HYAL1: variants seen among roughly 807,000 people sequenced by gnomAD.
HYAL1 encodes hyaluronidase 1.
Under a neutral mutation model 28.8 loss-of-function variants are expected in HYAL1, and 21 were observed. That is an observed-to-expected ratio of 0.73 (90% CI 0.52 to 1.05). HYAL1 has a LOEUF of 1.05. Ranked by LOEUF, HYAL1 falls within the 50% of genes least tolerant of loss-of-function variation. The probability of loss-of-function intolerance (pLI) is 0.00; values close to 1 mark genes in which losing one functional copy is unlikely to be tolerated. For missense variants in HYAL1, 491 were observed against 579.2 expected, an observed-to-expected ratio of 0.85 and a Z score of 1.56; for synonymous variants, 200 against 230.1, an observed-to-expected ratio of 0.87 and a Z score of 1.18.
rs1485871957 is a variant in HYAL1 at position 50,311,531 on chromosome 3, G to A, written c.-310+733C>T. Among the ~76,000 whole-genome samples, 892 of 131,958 alleles carry A rather than the reference G, an allele frequency of 6.8e-3. 10 individuals are homozygous for A. Among genetic ancestry groups the A allele is most frequent in the Non-Finnish European group, 0.012 (717 of 61,046 alleles). The allele number at this position is 131,958 out of a possible 152,430, so 86.6% of individuals were successfully genotyped here. A position where few individuals can be genotyped will look rare whatever the true frequency, so the allele number is the denominator to read the frequency against. On this transcript the variant is annotated intron_variant, in intron 1 of 5. Coordinates refer to the HYAL1 transcript ENST00000320295. ...CCAGTAGGGGCGGCCGGGCAGAGGCGCCCCTCACCTCCGGGATGGGGCGGC... is the reference window on the plus strand; with the variant it reads ...CCAGTAGGGGCGGCCGGGCAGAGGCACCCCTCACCTCCGGGATGGGGCGGC...
At chr3:50,301,998 GC>G in intron 2 of HYAL1, 58 bp downstream of exon 2, 1 of 1,550,022 alleles carries the variant, frequency 6.5e-7, no homozygotes, top group African/African-American at 1.4e-5. Flanking sequence ...GTACCCCAAG[GC>G]TGGACCTAAT....
chr3:50,304,523 CCCAGGAGGTCATGTCTGGGTTACACTA>C (rs1299197171), upstream of HYAL1, among the ~76,000 whole-genome samples: 1 of 149,662 alleles, frequency 6.7e-6, no homozygotes, highest in Non-Finnish European at 1.5e-5. Context: ...AGTGCTTGAG[CCCAGGAGGTCATGTCTGGGTTACACTA>C]TTATATATTA....
At chr3:50,305,282 C>T (rs1419047984), upstream of HYAL1, among the ~76,000 whole-genome samples, 5 of 152,128 alleles carry the variant, frequency 3.3e-5, no homozygotes, top group African/African-American at 7.2e-5. Context: ...CTCGCTCTGT[C>T]GCCCAGGCTG....
intron 1 of HYAL1, 22 bp downstream of exon 1, chr3:50,303,444 C>G (rs1186146913): frequency 6.5e-6 from 1 of 154,722 alleles, no homozygotes; most frequent in Admixed American, 6.4e-5. Flanking sequence ...ACCCGCCAGT[C>G]TGCCCGCTCG....
upstream of HYAL1, among the ~76,000 whole-genome samples, chr3:50,305,388 C>T (rs781909692): frequency 5.5e-4 from 84 of 151,706 alleles, no homozygotes; most frequent in Non-Finnish European, 1.0e-3. Context: ...GGACTACAGG[C>T]GCCCGCCACC....
At chr3:50,310,949 G>A (rs1442022753) in intron 1 of HYAL1, among the ~76,000 whole-genome samples, 1 of 152,014 alleles carries the variant, frequency 6.6e-6, no homozygotes, top group Non-Finnish European at 1.5e-5. Context: ...TCCCAAGGCA[G>A]AAGAATTTTT....
upstream of HYAL1, among the ~76,000 whole-genome samples, chr3:50,305,331 C>A (rs1294021022): frequency 1.3e-5 from 2 of 150,910 alleles, no homozygotes; most frequent in African/African-American, 2.4e-5. Context: ...GCAAGCTCTG[C>A]CCCCCGGGTT....
upstream of HYAL1, among the ~76,000 whole-genome samples, chr3:50,304,292 AAAAAATATATATATATATATATATAT>A (rs1228721257): frequency 9.3e-4 from 48 of 51,634 alleles, 1 homozygote; most frequent in African/African-American, 3.3e-3. Flanking sequence ...AAAAAAAAAA[AAAAAATATATATATATATATATATAT>A]ATATATATAT....
At chr3:50,305,857 G>A (rs1553713949), upstream of HYAL1, among the ~76,000 whole-genome samples, 1 of 151,382 alleles carries the variant, frequency 6.6e-6, no homozygotes, top group African/African-American at 2.5e-5. Flanking sequence ...CGTATTGATA[G>A]ATGTCTCATA....
At position 50,302,567 on chromosome 3, in the gene HYAL1, C is replaced by T. The variant is rs1386542234; in HGVS notation, c.390G>A (p.Trp130Ter). The T allele has an allele frequency of 1.2e-6, 2 of 1,614,054 alleles. No individual in the cohort carries two copies. Among genetic ancestry groups the T allele is most frequent in the Non-Finnish European group, 1.7e-6 (2 of 1,180,042 alleles). ...PDFSGLAVID[W>*]EAWRPRWAFN... ...AGGCCCAGCGTGGGCGCCATGCCTC[C>T]CAGTCGATGACTGCCAGCCCTGAGA... is the stretch of plus-strand genomic sequence containing the variant. The change falls in exon 2 of 4, where the codon TGG becomes TGA. Residue 130 changes from tryptophan (W) to a stop codon, truncating the protein, a stop_gained. Transcript: ENST00000395144. LOFTEE classifies it high-confidence loss of function. The surrounding 1 kb of genome is among the most constrained non-coding windows in gnomAD (Gnocchi z 5.0).
upstream of HYAL1, among the ~76,000 whole-genome samples, chr3:50,307,067 TAAA>T (rs782101506): frequency 8.6e-6 from 1 of 115,766 alleles, no homozygotes; most frequent in Non-Finnish European, 1.8e-5. Context: ...AAGACTCTGC[TAAA>T]AAAAAAAAAA....
upstream of HYAL1, among the ~76,000 whole-genome samples, chr3:50,304,299 ATATATAT>A (rs1559822636): frequency 3.3e-3 from 92 of 27,784 alleles, 2 homozygotes; most frequent in African/African-American, 0.014. Flanking sequence ...AAAAAAAAAT[ATATATAT>A]ATATATATAT....
At chr3:50,310,265 GTTT>G (rs1284186892) in intron 1 of HYAL1, among the ~76,000 whole-genome samples, 2 of 124,706 alleles carry the variant, frequency 1.6e-5, no homozygotes, top group Admixed American at 8.1e-5. Context: ...TAAGCTGTGT[GTTT>G]TTTTTTTTTT....
chr3:50,303,938 C>T (rs1702273469), upstream of HYAL1: 2 of 152,172 alleles, frequency 1.3e-5, no homozygotes, highest in South Asian at 4.1e-4. Flanking sequence ...ACTTTACTTT[C>T]GTGGATCTTT....
Position 50,301,068 on chromosome 3 carries a change from C to G in HYAL1, c.910G>C (p.Glu304Gln), listed in dbSNP as rs1228802197. Residue 304 changes from glutamate to glutamine, a missense_variant, in exon 3 of 4, where the codon GAG becomes CAG. Physicochemically the swap from Glu to Gln is conservative, Grantham distance 29 (BLOSUM62 2). Transcript: ENST00000395144. ...TNHFLPLDEL[E>Q]HSLGESAAQG... ...GCCGCACTCTCCCCCAGGCTGTGCT[C>G]CAGCTCATCCTGGGAAGGAGACAGC... The G allele has an allele frequency of 6.2e-7, 1 of 1,611,322 alleles. No homozygotes were observed. Among genetic ancestry groups the G allele is most frequent in the African/African-American group, 1.3e-5 (1 of 74,800 alleles).
chr3:50,305,902 G>C (rs1306131654), upstream of HYAL1, among the ~76,000 whole-genome samples: 2 of 151,422 alleles, frequency 1.3e-5, no homozygotes, highest in African/African-American at 4.9e-5. Context: ...GCTGTGCCCG[G>C]AACACCTTGG....
Position 50,300,161 on chromosome 3 carries a change from A to G in HYAL1, c.*322T>C, listed in dbSNP as rs1647010097. The G allele has an allele frequency of 2.4e-6, 1 of 412,204 alleles. No individual in the cohort carries two copies. The highest frequency in any genetic ancestry group is 4.5e-6 in the Non-Finnish European group (1 of 219,850). 25.5% of individuals were successfully genotyped at this position (412,204 alleles called of 1,614,324 possible). ...ACGCTTAGCACGGGGATTGGCAAAGAGTAGGCACTCAGTGAATGTCAGCCT... is the reference window on the plus strand; with the variant it reads ...ACGCTTAGCACGGGGATTGGCAAAGGGTAGGCACTCAGTGAATGTCAGCCT... On this transcript the variant is annotated 3_prime_UTR_variant, in exon 4 of 4. Coordinates refer to ENST00000395144, the MANE Select transcript of HYAL1 (RefSeq NM_033159.4).
intron 1 of HYAL1, among the ~76,000 whole-genome samples, chr3:50,311,629 C>T (rs1231669847): frequency 3.3e-3 from 454 of 139,010 alleles, no homozygotes; most frequent in Non-Finnish European, 4.0e-3. Flanking sequence ...GGCTGACCCC[C>T]CCACCTCCCT....
intron 1 of HYAL1, among the ~76,000 whole-genome samples, chr3:50,310,378 C>G (rs1356300692): frequency 2.0e-5 from 3 of 149,622 alleles, no homozygotes; most frequent in Non-Finnish European, 4.4e-5. Flanking sequence ...ATTCTCCTGC[C>G]TCAGCCTCCT....
Sources: allele counts gnomAD v4.1 joint callset (sites outside exome capture counted in the v4.1 genomes callset), GRCh38; gene constraint gnomAD v4.1.1; non-coding constraint Gnocchi (gnomAD v3.1); transcripts MANE v1.5; gene names NCBI Gene and HGNC (gene_info 2026-07-23, HGNC 2026-07-21).